The following CTIF variants were observed in gnomAD, a reference collection of about 807,000 sequenced individuals.
CTIF encodes the protein cap binding complex dependent translation initiation factor, also known as CBP80/20-dependent translation initiation factor.
A neutral mutation model predicts 66.0 loss-of-function variants in CTIF; 21 were observed. That is an observed-to-expected ratio of 0.32 (90% CI 0.23 to 0.46). The LOEUF (loss-of-function observed/expected upper bound fraction) is 0.46, where lower values mean the gene tolerates loss of function less well. Ranked by LOEUF, CTIF falls within the 20% of genes least tolerant of loss-of-function variation. The pLI is 1.00. For synonymous variants in CTIF, 345 were observed against 326.4 expected, an observed-to-expected ratio of 1.06 and a Z score of -0.62; for missense variants, 739 against 812.7, an observed-to-expected ratio of 0.91 and a Z score of 1.10.
At chr18:48,643,288 GA>G (rs1171478887) in intron 3 of CTIF, among the ~76,000 whole-genome samples, 2 of 152,164 alleles carry the variant, frequency 1.3e-5, no homozygotes, top group Non-Finnish European at 2.9e-5. Context: ...GCAGAATGAA[GA>G]CCCAAAGATA....
At chr18:48,698,690 G>T (rs1365497905) in intron 6 of CTIF, among the ~76,000 whole-genome samples, 1 of 152,134 alleles carries the variant, frequency 6.6e-6, no homozygotes, top group Admixed American at 6.5e-5. Flanking sequence ...TTTCAACCTG[G>T]TCATTCTGGT....
At chr18:48,750,016 G>A (rs1005821918) in intron 7 of CTIF, among the ~76,000 whole-genome samples, 2 of 152,258 alleles carry the variant, frequency 1.3e-5, no homozygotes, top group African/African-American at 4.8e-5. Context: ...ACATCACACT[G>A]CCTCAGAACT....
chr18:48,594,281 T>C (rs1230984788), intron 1 of CTIF, among the ~76,000 whole-genome samples: 2 of 152,100 alleles, frequency 1.3e-5, no homozygotes, highest in East Asian at 1.9e-4. Context: ...AGTCACTGTT[T>C]TGAAATTTTT....
At chr18:48,620,501 G>A (rs2090474358) in intron 2 of CTIF, among the ~76,000 whole-genome samples, 1 of 152,216 alleles carries the variant, frequency 6.6e-6, no homozygotes, top group Admixed American at 6.5e-5. Flanking sequence ...TTGGCTTCTA[G>A]CTGCCAGTGT....
chr18:48,642,984 G>T (rs1598791507), intron 3 of CTIF, among the ~76,000 whole-genome samples: 1 of 152,276 alleles, frequency 6.6e-6, no homozygotes, highest in African/African-American at 2.4e-5. Flanking sequence ...ACATTAAGAA[G>T]TACAACGCTA....
rs1254849108 is a variant in CTIF at position 48,600,399 on chromosome 18, A to T, written c.-28-19139A>T. ...CACCTTTGTAACTGTTGTGTTTTTAATTTTCTGTCAGTTGGAGCAAGCAGA... is the reference window on the plus strand; with the variant it reads ...CACCTTTGTAACTGTTGTGTTTTTATTTTTCTGTCAGTTGGAGCAAGCAGA... On this transcript the variant is annotated intron_variant, in intron 1 of 11. Transcript: ENST00000256413. 2.0e-5 allele frequency among the ~76,000 whole-genome samples: 3 copies of T among 151,898 alleles called. No individual in the cohort carries two copies. In the East Asian group the frequency reaches 5.8e-4, roughly 29 times the overall value.
At chr18:48,827,808 C>A (rs1170821577) in intron 10 of CTIF, among the ~76,000 whole-genome samples, 1 of 152,162 alleles carries the variant, frequency 6.6e-6, no homozygotes, top group East Asian at 1.9e-4. Context: ...TTCCCACCCG[C>A]TTTGTCCCCT....
intron 1 of CTIF, among the ~76,000 whole-genome samples, chr18:48,549,231 G>T (rs909372896): frequency 6.6e-6 from 1 of 152,186 alleles, no homozygotes; most frequent in South Asian, 2.1e-4. Flanking sequence ...GAGGACGTAG[G>T]GGAAAGCATT....
intron 1 of CTIF, among the ~76,000 whole-genome samples, chr18:48,616,443 G>A (rs1356254558): frequency 6.6e-6 from 1 of 152,218 alleles, no homozygotes; most frequent in Non-Finnish European, 1.5e-5. Context: ...ATGGAATTGG[G>A]GAACTTGGAG....
At chr18:48,670,564 C>A (rs1480252409) in intron 5 of CTIF, 105 bp from the exon 6 acceptor site, 2 of 1,001,036 alleles carry the variant, frequency 2.0e-6, no homozygotes, top group Non-Finnish European at 3.2e-6. Flanking sequence ...TGAGGGTGGG[C>A]AGCACCAGGT....
intron 7 of CTIF, among the ~76,000 whole-genome samples, chr18:48,730,066 G>T (rs1411162568): frequency 6.6e-6 from 1 of 152,172 alleles, no homozygotes; most frequent in Non-Finnish European, 1.5e-5. Flanking sequence ...GTCACCACGA[G>T]CTGCCTGTGG....
At chr18:48,602,356 G>A (rs997855803) in intron 1 of CTIF, among the ~76,000 whole-genome samples, 1 of 152,194 alleles carries the variant, frequency 6.6e-6, no homozygotes, top group Non-Finnish European at 1.5e-5. Context: ...ACAATGCCAC[G>A]AAAGGTGGAA....
chr18:48,634,822 G>A (rs569632177), intron 2 of CTIF, among the ~76,000 whole-genome samples: 6 of 152,214 alleles, frequency 3.9e-5, no homozygotes, highest in Admixed American at 2.6e-4. Flanking sequence ...CACAGGCCAC[G>A]CATGGCTCTT....
chr18:48,702,922 A>C (rs777581420), intron 6 of CTIF, among the ~76,000 whole-genome samples: 17 of 151,866 alleles, frequency 1.1e-4, no homozygotes, highest in Admixed American at 7.9e-4. Context: ...AAAAAAAAAA[A>C]CATGAAAAAC....
intron 1 of CTIF, among the ~76,000 whole-genome samples, chr18:48,607,987 C>T (rs887704672): frequency 3.3e-5 from 5 of 152,156 alleles, no homozygotes; most frequent in Admixed American, 1.3e-4. Flanking sequence ...ATCCTTCGTC[C>T]TGATTTATTT....
At chr18:48,852,233 TAA>T (rs10591389) in intron 10 of CTIF, among the ~76,000 whole-genome samples, 1,435 of 66,376 alleles carry the variant, frequency 0.022, 44 homozygotes, top group African/African-American at 0.066. Flanking sequence ...GACCCTGTCT[TAA>T]AAAAAAAAAA....
chr18:48,670,105 C>G (rs894361211), intron 5 of CTIF, among the ~76,000 whole-genome samples: 6 of 151,886 alleles, frequency 4.0e-5, no homozygotes, highest in African/African-American at 1.2e-4. Flanking sequence ...AATCTGCACC[C>G]TTAAATATGC....
intron 9 of CTIF, among the ~76,000 whole-genome samples, chr18:48,794,005 A>G (rs1052924810): frequency 1.3e-5 from 2 of 151,078 alleles, no homozygotes; most frequent in Admixed American, 1.3e-4. Context: ...CTTCTGCTCT[A>G]CAGATTTCAT....
intron 7 of CTIF, among the ~76,000 whole-genome samples, chr18:48,714,235 G>T (rs554111635): frequency 5.9e-5 from 9 of 152,152 alleles, no homozygotes; most frequent in Non-Finnish European, 8.8e-5. Flanking sequence ...TGTGCAGCAG[G>T]TTCACCTTCC....
Sources: gnomAD v4.1 joint callset for allele counts (sites outside exome capture counted in the v4.1 genomes callset) on GRCh38, gnomAD v4.1.1 for gene constraint, MANE v1.5 for transcripts, NCBI Gene and HGNC (gene_info 2026-07-23, HGNC 2026-07-21) for gene names.